The following GALNT17 variants were observed in gnomAD, a reference collection of about 807,000 sequenced individuals.
GALNT17 encodes polypeptide N-acetylgalactosaminyltransferase 17, also known as UDP-GalNAc:polypeptide N-acetylgalactosaminyltransferase-like 3.
Under a neutral mutation model 63.7 loss-of-function variants are expected in GALNT17, and 29 were observed. That is an observed-to-expected ratio of 0.46 (90% CI 0.34 to 0.62). The LOEUF (loss-of-function observed/expected upper bound fraction) is 0.62. Ranked by LOEUF, GALNT17 falls within the 20% of genes least tolerant of loss-of-function variation. The pLI, the probability that GALNT17 is intolerant of heterozygous loss-of-function variation, is 0.01. For synonymous variants in GALNT17, 305 were observed against 318.3 expected, an observed-to-expected ratio of 0.96 and a Z score of 0.45; for missense variants, 603 against 799.6, an observed-to-expected ratio of 0.75 and a Z score of 2.97.
intron 1 of GALNT17, among the ~76,000 whole-genome samples, chr7:71,243,170 C>T (rs1790030911): frequency 6.6e-6 from 1 of 151,752 alleles, no homozygotes; most frequent in Non-Finnish European, 1.5e-5. Flanking sequence ...AGGCAGTTTT[C>T]TCTGATCTTT....
chr7:71,607,248 C>T (rs902865995), intron 6 of GALNT17, among the ~76,000 whole-genome samples: 3 of 152,170 alleles, frequency 2.0e-5, no homozygotes, highest in African/African-American at 7.2e-5. Context: ...ACTTCTAATA[C>T]TGCCTGAGAA....
chr7:71,612,538 G>A (rs1410584358), intron 6 of GALNT17, among the ~76,000 whole-genome samples: 1 of 152,188 alleles, frequency 6.6e-6, no homozygotes, highest in African/African-American at 2.4e-5. Flanking sequence ...TGAGCTTTTT[G>A]GCACACAGCG....
chr7:71,611,133 A>G (rs765535033), intron 6 of GALNT17, among the ~76,000 whole-genome samples: 1 of 151,768 alleles, frequency 6.6e-6, no homozygotes, highest in Non-Finnish European at 1.5e-5. Flanking sequence ...AGCAAAACCT[A>G]CTCTCTACTC....
At chr7:71,226,494 T>A (rs1240296348) in intron 1 of GALNT17, among the ~76,000 whole-genome samples, 1 of 124,822 alleles carries the variant, frequency 8.0e-6, no homozygotes, top group Non-Finnish European at 1.6e-5. Context: ...GTTGGCTTTC[T>A]TTTTTCTTTT....
chr7:71,584,645 ATTTG>A, intron 6 of GALNT17, among the ~76,000 whole-genome samples: 2 of 152,316 alleles, frequency 1.3e-5, no homozygotes. Context: ...TCTCAAAAAA[ATTTG>A]TTTGATAGTC....
chr7:71,497,216 T>C (rs1233602922), intron 5 of GALNT17, among the ~76,000 whole-genome samples: 3 of 152,340 alleles, frequency 2.0e-5, no homozygotes, highest in South Asian at 2.1e-4. Context: ...GAGCTGACCT[T>C]CTTCTGTGCA....
intron 5 of GALNT17, among the ~76,000 whole-genome samples, chr7:71,557,660 G>T (rs766527194): frequency 2.0e-5 from 3 of 152,072 alleles, no homozygotes. Context: ...GCCCGGTGGC[G>T]TGTGCCTGTA....
chr7:71,693,170 C>T (rs903361699), intron 9 of GALNT17, among the ~76,000 whole-genome samples: 4 of 148,526 alleles, frequency 2.7e-5, no homozygotes, highest in Admixed American at 6.9e-5. Flanking sequence ...TAAGTATATA[C>T]TATAATATAA....
chr7:71,154,822 C>T (rs751014154), intron 1 of GALNT17, among the ~76,000 whole-genome samples: 2 of 151,792 alleles, frequency 1.3e-5, no homozygotes, highest in Non-Finnish European at 2.9e-5. Context: ...ATGATCCACC[C>T]GCCTTGGCCT....
At chr7:71,553,094 G>A (rs1789106977) in intron 5 of GALNT17, among the ~76,000 whole-genome samples, 1 of 152,162 alleles carries the variant, frequency 6.6e-6, no homozygotes, top group African/African-American at 2.4e-5. Context: ...GGAGGCCAAG[G>A]TGGGCGGATT....
intron 6 of GALNT17, among the ~76,000 whole-genome samples, chr7:71,628,794 T>C (rs1280147187): frequency 6.6e-6 from 1 of 151,776 alleles, no homozygotes. Flanking sequence ...TAGCCAGGTG[T>C]GGTGGCAAAC....
chr7:71,355,174 T>C (rs1431032150), intron 2 of GALNT17, among the ~76,000 whole-genome samples: 1 of 152,214 alleles, frequency 6.6e-6, no homozygotes, highest in Non-Finnish European at 1.5e-5. Context: ...TATTTTTCTA[T>C]TCTCTGACTT....
At chr7:71,453,008 T>C (rs2116555870) in intron 5 of GALNT17, among the ~76,000 whole-genome samples, 1 of 152,300 alleles carries the variant, frequency 6.6e-6, no homozygotes, top group East Asian at 1.9e-4. Context: ...CATCCATCAT[T>C]TTCTCTGTTC....
chr7:71,142,354 A>G (rs1164789340), intron 1 of GALNT17, among the ~76,000 whole-genome samples: 1 of 151,774 alleles, frequency 6.6e-6, no homozygotes, highest in Non-Finnish European at 1.5e-5. Context: ...TCTGAGCCAG[A>G]CTCCATTTCC....
intron 3 of GALNT17, among the ~76,000 whole-genome samples, chr7:71,413,682 G>A (rs528997805): frequency 1.0e-3 from 158 of 152,000 alleles, no homozygotes; most frequent in Middle Eastern, 3.4e-3. Context: ...TCCTTAACTC[G>A]ATTGTAAGCA....
chr7:71,677,811 G>A (rs144061207), intron 9 of GALNT17, among the ~76,000 whole-genome samples: 6 of 152,230 alleles, frequency 3.9e-5, no homozygotes, highest in Non-Finnish European at 5.9e-5. Context: ...CACCGTGCCC[G>A]GCCAAGGCTC....
intron 8 of GALNT17, 95 bp downstream of exon 8, chr7:71,670,204 T>TCAGTAC: frequency 6.4e-7 from 1 of 1,562,246 alleles, no homozygotes; most frequent in African/African-American, 1.4e-5. Flanking sequence ...ATTCATTCAT[T>TCAGTAC]CAATGAGTGG....
At chr7:71,439,199 C>T (rs13308079) in intron 5 of GALNT17, among the ~76,000 whole-genome samples, 4,953 of 152,134 alleles carry the variant, frequency 0.033, 105 homozygotes, top group Non-Finnish European at 0.05. Context: ...CCAGCCAGGC[C>T]AGGAGAGACA....
chr7:71,176,552 C>T (rs540853142), intron 1 of GALNT17, among the ~76,000 whole-genome samples: 1 of 152,068 alleles, frequency 6.6e-6, no homozygotes, highest in Non-Finnish European at 1.5e-5. Flanking sequence ...ATTTGGGGTC[C>T]CATTGATTTG....
Sources: gnomAD v4.1 joint callset for allele counts (sites outside exome capture counted in the v4.1 genomes callset) on GRCh38, gnomAD v4.1.1 for gene constraint, MANE v1.5 for transcripts, NCBI Gene and HGNC (gene_info 2026-07-23, HGNC 2026-07-21) for gene names.